Variants in TCTN3 observed in about 807,000 individuals in gnomAD.
The protein encoded by TCTN3 is tectonic-3.
TCTN3 carries 57 observed loss-of-function variants against 71.3 expected under a neutral mutation model. The observed-to-expected ratio is 0.80, with a 90% CI of 0.65 to 1.00. TCTN3 has a LOEUF of 1.00. TCTN3 is among the 50% of genes least tolerant of loss of function. The pLI, the probability that TCTN3 is intolerant of heterozygous loss-of-function variation, is 0.00. For synonymous variants in TCTN3, 258 were observed against 267.8 expected, an observed-to-expected ratio of 0.96 and a Z score of 0.36; for missense variants, 696 against 719.9, an observed-to-expected ratio of 0.97 and a Z score of 0.38.
chr10:95,683,648 G>T lies in TCTN3; in HGVS notation c.1096-19C>A. On this transcript the variant is annotated intron_variant, in intron 9 of 13. Coordinates refer to ENST00000371217, the MANE Select transcript of TCTN3 (RefSeq NM_015631.6). The stretch of plus-strand genomic sequence containing the variant: ...GAAAAGCCTGCAGAAAGAGGGAAGA[G>T]AAGTCAATTATGGAGATAAGCATAC... The T allele has an allele frequency of 1.9e-6, 3 of 1,579,740 alleles. No homozygotes were observed. Among genetic ancestry groups the T allele is most frequent in the Non-Finnish European group, 2.6e-6 (3 of 1,155,146 alleles).
At chr10:95,671,740 G>A (rs986743679) in intron 13 of TCTN3, among the ~76,000 whole-genome samples, 1 of 152,086 alleles carries the variant, frequency 6.6e-6, no homozygotes, top group African/African-American at 2.4e-5. Context: ...TCAGGCGTGT[G>A]CCACCTTGCC....
At chr10:95,691,809 T>C (rs1465679196) in intron 3 of TCTN3, among the ~76,000 whole-genome samples, 2 of 152,240 alleles carry the variant, frequency 1.3e-5, no homozygotes, top group Admixed American at 6.5e-5. Flanking sequence ...TAATCTTTAT[T>C]GTACTCTACA....
In TCTN3 at chr10:95,687,673, G is replaced by A. The variant is rs148284010; in HGVS notation, c.546C>T (p.Asn182=). 1 of 1,614,160 alleles carries A rather than the reference G, an allele frequency of 6.2e-7. No individual in the cohort carries two copies. The highest frequency in any genetic ancestry group is 8.5e-7 in the Non-Finnish European group (1 of 1,179,986). The change falls in exon 4 of 14, where the codon AAC becomes AAT. Residue 182 remains asparagine (N), a synonymous_variant. Transcript: ENST00000371217. ...FQKLQKVNAT[N]FQALAAEFGG... ...CAAACTCTGCAGCCAGGGCCTGGAA[G>A]TTGGTTGCATTGACCTTTTGAAGCT...
At chr10:95,668,651 C>T (rs1045270124) in intron 13 of TCTN3, among the ~76,000 whole-genome samples, 1 of 152,062 alleles carries the variant, frequency 6.6e-6, no homozygotes, top group Non-Finnish European at 1.5e-5. Flanking sequence ...TCTTCCCCCC[C>T]CAAATTATTA....
chr10:95,682,931 G>T, intron 11 of TCTN3, 127 bp from the exon 12 acceptor site: 1 of 1,342,698 alleles, frequency 7.4e-7, no homozygotes, highest in Non-Finnish European at 1.0e-6. Flanking sequence ...TCCTTAGTAG[G>T]TATTAACAAT....
intron 13 of TCTN3, among the ~76,000 whole-genome samples, chr10:95,675,547 C>T (rs918115846): frequency 3.9e-5 from 6 of 152,150 alleles, no homozygotes; most frequent in African/African-American, 1.2e-4. Flanking sequence ...AGGCAAAGTA[C>T]TTCTATAGTC....
intron 7 of TCTN3, among the ~76,000 whole-genome samples, chr10:95,685,879 T>C (rs1179818974): frequency 6.6e-6 from 1 of 152,248 alleles, no homozygotes; most frequent in Non-Finnish European, 1.5e-5. Flanking sequence ...AAATAATTGT[T>C]AGAAATACTA....
rs186384118 is a variant in TCTN3 at position 95,666,066 on chromosome 10, G to A, written c.1591-1766C>T. 3.7e-3 allele frequency among the ~76,000 whole-genome samples: 564 copies of A among 151,498 alleles called. 1 individual carries two copies. The highest frequency in any genetic ancestry group is 6.4e-3 in the East Asian group (33 of 5,134). ...CGCCATTCTCCTGCCTCAGCCTCCCGAGTAGCTGGGACTACATGTGCCCAC... is the reference window on the plus strand; with the variant it reads ...CGCCATTCTCCTGCCTCAGCCTCCCAAGTAGCTGGGACTACATGTGCCCAC... On this transcript the variant is annotated intron_variant, in intron 13 of 13. Coordinates refer to ENST00000371217, the MANE Select transcript of TCTN3 (RefSeq NM_015631.6).
chr10:95,681,063 A>C (rs1235868634), intron 12 of TCTN3, among the ~76,000 whole-genome samples: 1 of 149,992 alleles, frequency 6.7e-6, no homozygotes, highest in African/African-American at 2.5e-5. Flanking sequence ...GGCGAGACCC[A>C]CCACACCCGA....
chr10:95,678,644 T>C (rs946147340), intron 13 of TCTN3, among the ~76,000 whole-genome samples: 5 of 151,678 alleles, frequency 3.3e-5, no homozygotes, highest in Non-Finnish European at 5.9e-5. Flanking sequence ...AAAGAAAAAG[T>C]GAGTATGTTT....
chr10:95,674,718 A>C (rs1333106345), intron 13 of TCTN3, among the ~76,000 whole-genome samples: 1 of 152,206 alleles, frequency 6.6e-6, no homozygotes, highest in Non-Finnish European at 1.5e-5. Context: ...AGTCTCTTTT[A>C]ATTTAACACA....
In TCTN3 at chr10:95,680,614, A is replaced by G. The variant is rs1212690696; in HGVS notation, c.1453-5T>C. Reference sequence around the variant, plus strand: ...GCAGGAAGTACAGTTTATAGCCTGCAGAAGGGTAAAGAAGCATCTGCTTGA... The same window carrying G: ...GCAGGAAGTACAGTTTATAGCCTGCGGAAGGGTAAAGAAGCATCTGCTTGA... On this transcript the variant is annotated splice_polypyrimidine_tract_variant and splice_region_variant and intron_variant, in intron 12 of 13. Transcript: ENST00000371217. 1 of 1,611,712 alleles carries G rather than the reference A, an allele frequency of 6.2e-7. No individual in the cohort carries two copies. Among genetic ancestry groups the G allele is most frequent in the Non-Finnish European group, 8.5e-7 (1 of 1,179,130 alleles).
chr10:95,688,434 T>C (rs1459737624), intron 3 of TCTN3, among the ~76,000 whole-genome samples: 1 of 117,154 alleles, frequency 8.5e-6, no homozygotes, highest in South Asian at 2.7e-4. Context: ...AAAAAGAAAA[T>C]AGGAAGCTCG....
chr10:95,693,486 T>C lies in TCTN3; in HGVS notation c.257-10A>G, dbSNP rs748520393. On this transcript the variant is annotated splice_polypyrimidine_tract_variant and intron_variant, in intron 1 of 13. Transcript: ENST00000371217. ...ACACAGATCGGTAAGACTATGAAAG[T>C]ACGACACAGAGTGAGTGGGATGAAG... 9 of 1,552,068 alleles carry C rather than the reference T, an allele frequency of 5.8e-6. No individual in the cohort carries two copies. Among genetic ancestry groups the C allele is most frequent in the Non-Finnish European group, 3.5e-6 (4 of 1,147,114 alleles).
chr10:95,691,126 A>T (rs2097953132), intron 3 of TCTN3, among the ~76,000 whole-genome samples: 1 of 152,214 alleles, frequency 6.6e-6, no homozygotes, highest in South Asian at 2.1e-4. Context: ...GAGCATGATC[A>T]TAAGGCTGGA....
rs534011418 is a variant in TCTN3 at position 95,688,641 on chromosome 10, TTA to T, written c.500-924_500-923del. Among the ~76,000 whole-genome samples the T allele has an allele frequency of 9.5e-4, 144 of 152,308 alleles. 1 individual carries two copies. Among genetic ancestry groups the T allele is most frequent in the African/African-American group, 3.3e-3 (139 of 41,566 alleles). Reference sequence around the variant, plus strand: ...CTAACAATGTTGCCATCTCTCAAGTTTAGAGATTTGTTGCATTTTATTCCTTA... The same window carrying T: ...CTAACAATGTTGCCATCTCTCAAGTTGAGATTTGTTGCATTTTATTCCTTA... On this transcript the variant is annotated intron_variant, in intron 3 of 13. Transcript: ENST00000371217.
In TCTN3 at chr10:95,683,098, T is replaced by A; in HGVS notation, c.1298+3A>T. The A allele has an allele frequency of 6.2e-7, 1 of 1,612,062 alleles. No homozygotes were observed. Among genetic ancestry groups the A allele is most frequent in the Non-Finnish European group, 8.5e-7 (1 of 1,178,516 alleles). On this transcript the variant is annotated splice_donor_region_variant and intron_variant, in intron 11 of 13. Coordinates refer to ENST00000371217, the MANE Select transcript of TCTN3 (RefSeq NM_015631.6). ...AGGAAATGATGCGGAAGCAAAGAAC[T>A]ACCTGAGCTTGCATCCAGATATTGC...
chr10:95,677,595 T>A (rs549155951), intron 13 of TCTN3, among the ~76,000 whole-genome samples: 1 of 152,028 alleles, frequency 6.6e-6, no homozygotes, highest in South Asian at 2.1e-4. Flanking sequence ...TTAAAGTGTT[T>A]CTATAGCTAT....
chr10:95,687,149 C>T lies in TCTN3; in HGVS notation c.747G>A (p.Glu249=). The change falls in exon 6 of 14, where the codon GAG becomes GAA. Residue 249 remains glutamate, a synonymous_variant. Coordinates refer to ENST00000371217, the MANE Select transcript of TCTN3 (RefSeq NM_015631.6). ...AACGAGTGCAAGTTGTACTTTTACT[C>T]TCTAGGAAACCTTAAACACAAATAA... is the stretch of plus-strand genomic sequence containing the variant. ...CAESNPAGFL[E]SKSTTCTRFF... 1 of 1,613,992 alleles carries T rather than the reference C, an allele frequency of 6.2e-7. No homozygotes were observed. Among genetic ancestry groups the T allele is most frequent in the African/African-American group, 1.3e-5 (1 of 75,038 alleles).
Sources: allele counts gnomAD v4.1 joint callset (sites outside exome capture counted in the v4.1 genomes callset), GRCh38; gene constraint gnomAD v4.1.1; transcripts MANE v1.5; gene names NCBI Gene and HGNC (gene_info 2026-07-23, HGNC 2026-07-21).